Variants in PSMA1 observed in about 807,000 individuals in gnomAD.
PSMA1 encodes the protein proteasome subunit alpha type-1.
Under a neutral mutation model 38.4 loss-of-function variants are expected in PSMA1, and 3 were observed. The ratio of observed to expected loss-of-function variants is 0.08; its 90% CI spans 0.04 to 0.20. The LOEUF is 0.20. PSMA1 is among the 10% of genes least tolerant of loss of function. The pLI is 1.00. For missense variants in PSMA1, 227 were observed against 325.3 expected (o/e 0.70, Z 2.32); for synonymous variants, 101 against 107.1 (o/e 0.94, Z 0.35).
At chr11:14,544,324 G>A (rs190969720) in intron 2 of PSMA1, among the ~76,000 whole-genome samples, 4 of 152,232 alleles carry the variant, frequency 2.6e-5, no homozygotes, top group Non-Finnish European at 2.9e-5. Flanking sequence ...GTGAGCTACC[G>A]TGCCCGGCCG....
At chr11:14,591,373 G>C (rs779352397) in intron 2 of PSMA1, among the ~76,000 whole-genome samples, 21 of 152,220 alleles carry the variant, frequency 1.4e-4, no homozygotes, top group Non-Finnish European at 2.9e-4. Context: ...TGGGCAGCTG[G>C]AGCCTCCCCG....
At chr11:14,599,670 G>A (rs569048130) in intron 2 of PSMA1, among the ~76,000 whole-genome samples, 2 of 152,106 alleles carry the variant, frequency 1.3e-5, no homozygotes, top group South Asian at 2.1e-4. Context: ...TAGCTTCCTC[G>A]AGATGGGTTT....
At chr11:14,620,057 TGTGTGTGTGC>T in intron 1 of PSMA1, among the ~76,000 whole-genome samples, 1 of 152,024 alleles carries the variant, frequency 6.6e-6, no homozygotes, top group South Asian at 2.1e-4. Flanking sequence ...TAAACACTCG[TGTGTGTGTGC>T]GTGTGTGTGT....
intron 1 of PSMA1, among the ~76,000 whole-genome samples, chr11:14,620,671 A>G (rs958310984): frequency 3.3e-5 from 5 of 152,222 alleles, no homozygotes; most frequent in African/African-American, 9.6e-5. Context: ...CCTAGTTGTG[A>G]GATATTGATA....
At chr11:14,582,682 T>TA (rs1299327184) in intron 2 of PSMA1, among the ~76,000 whole-genome samples, 3 of 123,048 alleles carry the variant, frequency 2.4e-5, no homozygotes, top group African/African-American at 9.0e-5. Context: ...CAGGCCCAGC[T>TA]AATTTTTTTT....
intron 7 of PSMA1, among the ~76,000 whole-genome samples, chr11:14,511,465 T>C (rs1356974939): frequency 3.3e-5 from 5 of 152,060 alleles, no homozygotes; most frequent in Non-Finnish European, 5.9e-5. Context: ...TTATATACCA[T>C]ATACAAGTGA....
In PSMA1 at chr11:14,599,323, T is replaced by A. The variant is rs192586509; in HGVS notation, c.21+11643A>T. 2.0e-5 allele frequency among the ~76,000 whole-genome samples: 3 copies of A among 152,350 alleles called. No individual in the cohort carries two copies. The East Asian group carries it at 5.8e-4, about 29-fold the overall frequency. On this transcript the variant is annotated intron_variant, in intron 2 of 10. Transcript: ENST00000418988. ...GGGGAAGTTCTCCTGGATAATATCC[T>A]GAAGAGTGTTTTCCAACTTGGCTCC...
chr11:14,588,698 T>C (rs942951694), intron 2 of PSMA1, among the ~76,000 whole-genome samples: 2 of 152,230 alleles, frequency 1.3e-5, no homozygotes, highest in African/African-American at 2.4e-5. Context: ...ATCGCAATTA[T>C]AGCCAATTAT....
At chr11:14,576,396 G>A (rs1431886435) in intron 2 of PSMA1, among the ~76,000 whole-genome samples, 3 of 152,036 alleles carry the variant, frequency 2.0e-5, no homozygotes, top group Non-Finnish European at 4.4e-5. Context: ...TTTCTTCTAG[G>A]GTTTTTATGG....
intron 2 of PSMA1, among the ~76,000 whole-genome samples, chr11:14,609,249 C>A (rs780971772): frequency 1.1e-4 from 16 of 152,136 alleles, no homozygotes; most frequent in Non-Finnish European, 2.2e-4. Flanking sequence ...AGTCCAAAGA[C>A]CATATCAAAG....
chr11:14,620,309 G>C (rs1852829492), intron 1 of PSMA1, among the ~76,000 whole-genome samples: 1 of 152,106 alleles, frequency 6.6e-6, no homozygotes, highest in African/African-American at 2.4e-5. Context: ...AAACTTCACA[G>C]TTCAGACTGT....
chr11:14,633,824 G>A (rs1351996576), intron 1 of PSMA1, among the ~76,000 whole-genome samples: 3 of 152,144 alleles, frequency 2.0e-5, no homozygotes, highest in East Asian at 1.9e-4. Flanking sequence ...AGCCAGGTGC[G>A]GGATATAATC....
At chr11:14,590,180 A>G (rs569101649) in intron 2 of PSMA1, among the ~76,000 whole-genome samples, 1 of 152,146 alleles carries the variant, frequency 6.6e-6, no homozygotes, top group African/African-American at 2.4e-5. Context: ...GGTTGCTAGG[A>G]GTTGTGGGGA....
At chr11:14,638,927 C>T (rs1344274590) in intron 1 of PSMA1, among the ~76,000 whole-genome samples, 3 of 151,738 alleles carry the variant, frequency 2.0e-5, no homozygotes, top group South Asian at 2.1e-4. Flanking sequence ...GTCTGCATTG[C>T]TGTTTATTGT....
At chr11:14,555,314 T>G (rs1014127338) in intron 2 of PSMA1, among the ~76,000 whole-genome samples, 2 of 152,268 alleles carry the variant, frequency 1.3e-5, no homozygotes, top group African/African-American at 4.8e-5. Flanking sequence ...TGATGTGTAC[T>G]GGATGATGTG....
At chr11:14,547,771 G>A (rs1032744988) in intron 2 of PSMA1, among the ~76,000 whole-genome samples, 3 of 152,154 alleles carry the variant, frequency 2.0e-5, no homozygotes, top group African/African-American at 7.2e-5. Context: ...AGCTCTCCAG[G>A]GATCGATGGA....
At chr11:14,514,328 A>G in intron 5 of PSMA1, 75 bp downstream of exon 5, 6 of 1,468,986 alleles carry the variant, frequency 4.1e-6, no homozygotes, top group Non-Finnish European at 5.4e-6. Context: ...TATTATTATT[A>G]TATTCCTAAT....
At chr11:14,525,888 C>T (rs1851580722) in intron 2 of PSMA1, among the ~76,000 whole-genome samples, 1 of 152,168 alleles carries the variant, frequency 6.6e-6, no homozygotes, top group Non-Finnish European at 1.5e-5. Context: ...TTCTTTCCAC[C>T]CTTCTGCTTC....
intron 9 of PSMA1, 89 bp downstream of exon 9, chr11:14,507,567 T>C: frequency 1.1e-6 from 1 of 917,420 alleles, no homozygotes; most frequent in Non-Finnish European, 1.7e-6. Context: ...TTTCAATATT[T>C]AAGACAAAAT....
Sources: allele counts gnomAD v4.1 joint callset (sites outside exome capture counted in the v4.1 genomes callset), GRCh38; gene constraint gnomAD v4.1.1; transcripts MANE v1.5; gene names NCBI Gene and HGNC (gene_info 2026-07-23, HGNC 2026-07-21).